NAALADL2: variants seen among roughly 807,000 people sequenced by gnomAD.
The protein encoded by NAALADL2 is inactive N-acetylated-alpha-linked acidic dipeptidase-like protein 2.
NAALADL2 carries 76 observed loss-of-function variants against 87.2 expected under a neutral mutation model. That is an observed-to-expected ratio of 0.87 (90% CI 0.72 to 1.05). The LOEUF is 1.05. NAALADL2 is among the 50% of genes least tolerant of loss of function. NAALADL2 has a pLI of 0.00. For synonymous variants in NAALADL2, 354 were observed against 331.0 expected (o/e 1.07, Z -0.75); for missense variants, 1,089 against 945.8 (o/e 1.15, Z -1.99).
At chr3:174,770,036 T>A (rs1714332585) in intron 3 of NAALADL2, among the ~76,000 whole-genome samples, 1 of 152,162 alleles carries the variant, frequency 6.6e-6, no homozygotes, top group South Asian at 2.1e-4. Flanking sequence ...AAATTTTCTA[T>A]GAATTAATAT....
At chr3:174,694,742 T>C (rs1450867557) in intron 2 of NAALADL2, among the ~76,000 whole-genome samples, 1 of 152,122 alleles carries the variant, frequency 6.6e-6, no homozygotes, top group Non-Finnish European at 1.5e-5. Flanking sequence ...TATCCATTTT[T>C]GTTAACTAGT....
chr3:175,714,162 G>A (rs1361702342), intron 11 of NAALADL2, among the ~76,000 whole-genome samples: 1 of 152,068 alleles, frequency 6.6e-6, no homozygotes, highest in African/African-American at 2.4e-5. Context: ...CCAAGTCTTT[G>A]CTATTGTGAA....
At chr3:174,547,076 T>G (rs1159964907) in intron 1 of NAALADL2, among the ~76,000 whole-genome samples, 2 of 152,184 alleles carry the variant, frequency 1.3e-5, no homozygotes, top group East Asian at 1.9e-4. Flanking sequence ...TTAGATTGAT[T>G]AGTTTTTGTT....
chr3:175,500,276 G>T (rs1017169601), intron 9 of NAALADL2, among the ~76,000 whole-genome samples: 1 of 152,068 alleles, frequency 6.6e-6, no homozygotes, highest in Non-Finnish European at 1.5e-5. Flanking sequence ...GGGAGGAATT[G>T]CATTTACTTT....
chr3:175,787,556 C>T lies in NAALADL2; in HGVS notation c.2190-15449C>T, dbSNP rs1041721990. Among the ~76,000 whole-genome samples the T allele has an allele frequency of 8.5e-5, 13 of 152,294 alleles. 2 individuals carry two copies. The South Asian group carries it at 2.5e-3, about 29-fold the overall frequency. ...GCGCTTCCCAAGTGAGGCAATGCCT[C>T]GCCCTGCTTCGGCTCGCGCACGGTG... is the stretch of plus-strand genomic sequence containing the variant. On this transcript the variant is annotated intron_variant, in intron 13 of 13. Coordinates refer to ENST00000454872, the MANE Select transcript of NAALADL2 (RefSeq NM_207015.3).
chr3:175,292,796 G>A (rs1458049645), intron 4 of NAALADL2, among the ~76,000 whole-genome samples: 2 of 151,910 alleles, frequency 1.3e-5, no homozygotes, highest in Non-Finnish European at 2.9e-5. Context: ...CCAGCACTTT[G>A]GGAGGCCGAG....
chr3:175,645,344 A>T (rs1233523343), intron 11 of NAALADL2, among the ~76,000 whole-genome samples: 1 of 152,150 alleles, frequency 6.6e-6, no homozygotes, highest in African/African-American at 2.4e-5. Context: ...TAGTAAACAA[A>T]AGAGGAATGA....
chr3:174,972,488 A>G (rs537301273), intron 1 of NAALADL2, among the ~76,000 whole-genome samples: 1 of 152,172 alleles, frequency 6.6e-6, no homozygotes, highest in East Asian at 1.9e-4. Flanking sequence ...TTTTCTCTAC[A>G]CCTGCATCCT....
Position 175,250,780 on chromosome 3 carries a change from A to G in NAALADL2, c.820-5631A>G, listed in dbSNP as rs141431413. Reference sequence around the variant, plus strand: ...AAGATTGCTATCTGAAGAAAATAGGATATTATATGCAATGTTCCTAGCACA... The same window carrying G: ...AAGATTGCTATCTGAAGAAAATAGGGTATTATATGCAATGTTCCTAGCACA... On this transcript the variant is annotated intron_variant, in intron 3 of 13. Transcript: ENST00000454872. Among the ~76,000 whole-genome samples the G allele has an allele frequency of 1.8e-3, 269 of 152,340 alleles. 3 individuals are homozygous for G. The East Asian group carries it at 0.037, about 21-fold the overall frequency.
chr3:175,349,418 G>T (rs1459704238), intron 5 of NAALADL2, among the ~76,000 whole-genome samples: 2 of 152,144 alleles, frequency 1.3e-5, no homozygotes, highest in Non-Finnish European at 2.9e-5. Flanking sequence ...AGAGACTAGA[G>T]TGTGCGGAGG....
chr3:175,783,630 C>T (rs988898220), intron 13 of NAALADL2, among the ~76,000 whole-genome samples: 3 of 152,030 alleles, frequency 2.0e-5, no homozygotes, highest in African/African-American at 4.8e-5. Flanking sequence ...TCTAAATATA[C>T]AATCATGTTG....
chr3:174,939,293 C>CAGGTTTTGTCAGGT (rs1738215136), intron 1 of NAALADL2, among the ~76,000 whole-genome samples: 3 of 151,904 alleles, frequency 2.0e-5, no homozygotes, highest in African/African-American at 7.3e-5. Context: ...GTTTTATCAG[C>CAGGTTTTGTCAGGT]TTTGTCAAAG....
chr3:174,693,011 T>G (rs1034592484), intron 2 of NAALADL2, among the ~76,000 whole-genome samples: 2 of 132,950 alleles, frequency 1.5e-5, no homozygotes, highest in Non-Finnish European at 3.4e-5. Context: ...TAATAAATGA[T>G]AATTAATTCC....
rs1419320026 is a variant in NAALADL2, at chr3:175,323,622, A to G, written c.940-553A>G. Among the ~76,000 whole-genome samples, 3 of 151,566 alleles carry G rather than the reference A, an allele frequency of 2.0e-5. No individual in the cohort carries two copies. The East Asian group carries it at 5.9e-4, about 30-fold the overall frequency. On this transcript the variant is annotated intron_variant, in intron 4 of 13. Coordinates refer to ENST00000454872, the MANE Select transcript of NAALADL2 (RefSeq NM_207015.3). Reference sequence around the variant, plus strand: ...TAGACAATTGAAATAAAATATAGACATTATAGCAATGCTGGTAGAGATAGA... The same window carrying G: ...TAGACAATTGAAATAAAATATAGACGTTATAGCAATGCTGGTAGAGATAGA...
rs55732007 is a variant in NAALADL2, at chr3:174,570,720, T to G, written c.-115+20083T>G. ...GTATGGCATGGCTGTTCAAATCTGC[T>G]GTAAAGATAACTTTTAGGCCCTGAT... is the stretch of plus-strand genomic sequence containing the variant. On this transcript the variant is annotated intron_variant, in intron 2 of 3. Transcript: ENST00000434257. Among the ~76,000 whole-genome samples the G allele has an allele frequency of 3.2e-3, 483 of 152,338 alleles. 2 individuals are homozygous for G. Among genetic ancestry groups the G allele is most frequent in the Non-Finnish European group, 5.7e-3 (389 of 68,030 alleles).
chr3:175,350,410 G>A (rs112131697), intron 5 of NAALADL2, among the ~76,000 whole-genome samples: 17 of 152,230 alleles, frequency 1.1e-4, no homozygotes, highest in East Asian at 3.9e-4. Context: ...TTTTTCTTCC[G>A]TTCATACTGC....
At chr3:175,216,013 G>C (rs1016346307) in intron 2 of NAALADL2, among the ~76,000 whole-genome samples, 1 of 152,056 alleles carries the variant, frequency 6.6e-6, no homozygotes, top group African/African-American at 2.4e-5. Flanking sequence ...ATCCTTAATG[G>C]ATGAATAATT....
At chr3:174,826,744 T>C (rs1360321662) in intron 3 of NAALADL2, among the ~76,000 whole-genome samples, 1 of 152,232 alleles carries the variant, frequency 6.6e-6, no homozygotes, top group East Asian at 1.9e-4. Context: ...TTTATTTTTG[T>C]TTAGAAAAGA....
intron 11 of NAALADL2, among the ~76,000 whole-genome samples, chr3:175,700,535 G>A (rs1738847685): frequency 1.3e-5 from 2 of 152,084 alleles, no homozygotes; most frequent in Non-Finnish European, 2.9e-5. Flanking sequence ...GTTGCTCTTT[G>A]CAATGAATAT....
Sources: gnomAD v4.1 joint callset for allele counts (sites outside exome capture counted in the v4.1 genomes callset) on GRCh38, gnomAD v4.1.1 for gene constraint, MANE v1.5 for transcripts, NCBI Gene and HGNC (gene_info 2026-07-23, HGNC 2026-07-21) for gene names.